The following XIRP2 variants were observed in gnomAD, a reference collection of about 807,000 sequenced individuals.
XIRP2 encodes the protein xin actin-binding repeat-containing protein 2.
A neutral mutation model predicts 277.0 loss-of-function variants in XIRP2; 236 were observed. That is an observed-to-expected ratio of 0.85 (90% CI 0.77 to 0.95). The LOEUF (loss-of-function observed/expected upper bound fraction) is 0.95. XIRP2 is among the 40% of genes least tolerant of loss of function. The pLI, the probability that XIRP2 is intolerant of heterozygous loss-of-function variation, is 0.00. For missense variants in XIRP2, 4,640 were observed against 4,157.5 expected (o/e 1.12, Z -3.19); for synonymous variants, 1,490 against 1,416.5 (o/e 1.05, Z -1.17).
chr2:167,187,658 G>T, intron 3 of XIRP2: 2 of 661,258 alleles, frequency 3.0e-6, no homozygotes, highest in Non-Finnish European at 3.7e-6. Context: ...TATCCAGTTG[G>T]ATTTTGCTTC....
intron 2 of XIRP2, among the ~76,000 whole-genome samples, chr2:167,060,744 A>G (rs758387510): frequency 4.6e-5 from 7 of 152,172 alleles, no homozygotes; most frequent in Non-Finnish European, 1.0e-4. Flanking sequence ...TCTCCATGCC[A>G]ATATAATACT....
Position 167,251,520 on chromosome 2 carries a change from T to C in XIRP2, c.10128T>C (p.Phe3376=). The C allele has an allele frequency of 6.2e-7, 1 of 1,613,544 alleles. No individual in the cohort carries two copies. The highest frequency in any genetic ancestry group is 8.5e-7 in the Non-Finnish European group (1 of 1,179,648). Residue 3376 remains phenylalanine (F), a synonymous_variant, in exon 9 of 11, where the codon TTT becomes TTC. Coordinates refer to ENST00000409195, the MANE Select transcript of XIRP2 (RefSeq NM_152381.6). ...GTCGTACATTTTGTAAGGAGGAATTTGGATTAACATCTTTAGGAAACACGA... is the reference window on the plus strand; with the variant it reads ...GTCGTACATTTTGTAAGGAGGAATTCGGATTAACATCTTTAGGAAACACGA... ...QESRTFCKEE[F]GLTSLGNTSF...
At chr2:166,921,380 C>T (rs1685034957) in intron 2 of XIRP2, among the ~76,000 whole-genome samples, 1 of 152,040 alleles carries the variant, frequency 6.6e-6, no homozygotes, top group Admixed American at 6.6e-5. Flanking sequence ...ATTTGGTGTT[C>T]TCAGTATTTC....
chr2:167,155,346 A>G (rs1164202805), intron 3 of XIRP2, among the ~76,000 whole-genome samples: 2 of 151,884 alleles, frequency 1.3e-5, no homozygotes, highest in East Asian at 3.9e-4. Context: ...AAAAATCCTC[A>G]ATAAAATACT....
chr2:167,187,066 T>C (rs1693175250), intron 3 of XIRP2, among the ~76,000 whole-genome samples: 2 of 152,196 alleles, frequency 1.3e-5, no homozygotes, highest in Admixed American at 1.3e-4. Flanking sequence ...CAAATGCAAG[T>C]AATTCCGGAA....
intron 2 of XIRP2, among the ~76,000 whole-genome samples, chr2:167,006,542 A>G (rs1687508800): frequency 6.6e-6 from 1 of 151,772 alleles, no homozygotes; most frequent in South Asian, 2.1e-4. Context: ...TCTAAGCTGC[A>G]CTGCATGATA....
At chr2:167,144,595 A>G (rs545707371) in intron 3 of XIRP2, among the ~76,000 whole-genome samples, 1 of 152,222 alleles carries the variant, frequency 6.6e-6, no homozygotes, top group East Asian at 1.9e-4. Flanking sequence ...CTGACTTATT[A>G]TGAGATATGT....
intron 8 of XIRP2, among the ~76,000 whole-genome samples, chr2:167,242,132 G>A (rs1411885172): frequency 6.6e-6 from 1 of 152,028 alleles, no homozygotes; most frequent in African/African-American, 2.4e-5. Flanking sequence ...AATTATATAT[G>A]TTCTAAAGTC....
In XIRP2 at chr2:167,240,508, T is replaced by C. The variant is rs543849110; in HGVS notation, c.970-156T>C. On this transcript the variant is annotated intron_variant, in intron 6 of 10. Coordinates refer to ENST00000409195, the MANE Select transcript of XIRP2 (RefSeq NM_152381.6). ...AAATATATTCTTTTATAAGCGAATCTATGTATTAAAATAAATGATAGCAGC... is the reference window on the plus strand; with the variant it reads ...AAATATATTCTTTTATAAGCGAATCCATGTATTAAAATAAATGATAGCAGC... Among the ~76,000 whole-genome samples, 6 of 152,336 alleles carry C rather than the reference T, an allele frequency of 3.9e-5. No homozygotes were observed. In the South Asian group the frequency reaches 1.2e-3, roughly 32 times the overall value.
chr2:167,025,624 G>A (rs200381676), intron 2 of XIRP2, among the ~76,000 whole-genome samples: 8,103 of 151,002 alleles, frequency 0.054, 605 homozygotes, highest in East Asian at 0.37. Flanking sequence ...ACACTGCTTT[G>A]AATGTGTCCC....
At chr2:167,088,328 T>C (rs1440938607) in intron 2 of XIRP2, among the ~76,000 whole-genome samples, 4 of 152,070 alleles carry the variant, frequency 2.6e-5, no homozygotes, top group Non-Finnish European at 5.9e-5. Flanking sequence ...GAGCCTCACA[T>C]TCTCCATTCC....
Position 167,257,841 on chromosome 2 carries a change from T to C in XIRP2, c.*40-16T>C. 1.3e-6 allele frequency: 2 copies of C among 1,576,044 alleles called. No individual in the cohort carries two copies. Among genetic ancestry groups the C allele is most frequent in the East Asian group, 2.2e-5 (1 of 44,550 alleles). ...AGTAAATACGAACTGCTAAGTGTTC[T>C]TTTTCTTTTTGGCAGTTTGGGAAAT... On this transcript the variant is annotated splice_polypyrimidine_tract_variant and intron_variant, in intron 10 of 10. Transcript: ENST00000409195.
intron 2 of XIRP2, among the ~76,000 whole-genome samples, chr2:166,984,511 TTA>T (rs1686952031): frequency 6.6e-6 from 1 of 152,092 alleles, no homozygotes; most frequent in Admixed American, 6.5e-5. Flanking sequence ...TAAAATAATA[TTA>T]TAAGACAAAA....
At chr2:167,216,822 A>G (rs1337571315) in intron 4 of XIRP2, among the ~76,000 whole-genome samples, 3 of 116,970 alleles carry the variant, frequency 2.6e-5, no homozygotes, top group Non-Finnish European at 4.8e-5. Context: ...TGCTATAAAG[A>G]CACATGCACA....
intron 2 of XIRP2, among the ~76,000 whole-genome samples, chr2:166,915,029 G>A (rs1684823228): frequency 6.6e-6 from 1 of 151,946 alleles, no homozygotes; most frequent in African/African-American, 2.4e-5. Flanking sequence ...TGGGAGCGGT[G>A]GCTCACACCT....
rs1170861634 is a variant in XIRP2 at position 167,210,763 on chromosome 2, T to C, written c.591T>C (p.Ser197=). ...EATAGPNKPE[S]GFAEDSAARG... ...CTGCTGGCCCTAATAAGCCTGAGAG[T>C]GGATTTGCAGAAGACAGTGCTGCTC... The change falls in exon 4 of 11, where the codon AGT becomes AGC. Residue 197 remains serine (S), a synonymous_variant. Coordinates refer to ENST00000409195, the MANE Select transcript of XIRP2 (RefSeq NM_152381.6). The C allele has an allele frequency of 6.2e-7, 1 of 1,613,886 alleles. No homozygotes were observed. The highest frequency in any genetic ancestry group is 1.7e-5 in the Admixed American group (1 of 59,998).
chr2:167,183,085 T>C (rs1573939509), intron 3 of XIRP2, among the ~76,000 whole-genome samples: 2 of 152,214 alleles, frequency 1.3e-5, no homozygotes, highest in African/African-American at 4.8e-5. Flanking sequence ...AAATAATGGA[T>C]TCCTAAGTGG....
chr2:167,245,367 A>G lies in XIRP2; in HGVS notation c.3975A>G (p.Gln1325=), dbSNP rs192993899. 5 of 1,613,778 alleles carry G rather than the reference A, an allele frequency of 3.1e-6. No homozygotes were observed. The Admixed American group carries it at 8.3e-5, about 27-fold the overall frequency. ...LFETQPLYAI[Q]DREGSYHEVT... is the part of the protein sequence containing the mutation. Reference sequence around the variant, plus strand: ...AAACCCAGCCACTCTATGCAATTCAAGACCGAGAAGGGTCCTATCATGAAG... The same window carrying G: ...AAACCCAGCCACTCTATGCAATTCAGGACCGAGAAGGGTCCTATCATGAAG... The change falls in exon 9 of 11, where the codon CAA becomes CAG. Residue 1325 remains glutamine, a synonymous_variant. Coordinates refer to ENST00000409195, the MANE Select transcript of XIRP2 (RefSeq NM_152381.6).
At chr2:166,912,732 T>C (rs888172530) in intron 2 of XIRP2, among the ~76,000 whole-genome samples, 2 of 152,204 alleles carry the variant, frequency 1.3e-5, no homozygotes, top group Admixed American at 1.3e-4. Flanking sequence ...CCCATCTTTG[T>C]GGTTTTATCT....
Sources: allele counts gnomAD v4.1 joint callset (sites outside exome capture counted in the v4.1 genomes callset), GRCh38; gene constraint gnomAD v4.1.1; transcripts MANE v1.5; gene names NCBI Gene and HGNC (gene_info 2026-07-23, HGNC 2026-07-21).